Variants in CEP128 observed in about 807,000 individuals in gnomAD.
The protein encoded by CEP128 is centrosomal protein 128kDa.
CEP128 carries 132 observed loss-of-function variants against 156.7 expected under a neutral mutation model. That is an observed-to-expected ratio of 0.84 (90% CI 0.73 to 0.97). The LOEUF is 0.97. Among genes scored for constraint, CEP128 ranks in the 50% least tolerant of loss-of-function variants. CEP128 has a pLI of 0.00. For missense variants in CEP128, 1,252 were observed against 1,281.9 expected, an observed-to-expected ratio of 0.98 and a Z score of 0.36; for synonymous variants, 469 against 448.9, an observed-to-expected ratio of 1.04 and a Z score of -0.57.
intron 19 of CEP128, among the ~76,000 whole-genome samples, chr14:80,735,877 AATCCTACTCT>A: frequency 6.6e-6 from 1 of 152,254 alleles, no homozygotes; most frequent in East Asian, 1.9e-4. Context: ...TCTCATATTG[AATCCTACTCT>A]GCTTCCCTCT....
rs148739948 is a variant in CEP128, at chr14:80,667,419, A to C, written c.2806+75656T>G. 2.1e-4 allele frequency among the ~76,000 whole-genome samples: 32 copies of C among 152,304 alleles called. No homozygotes were observed. The East Asian group carries it at 4.2e-3, about 20-fold the overall frequency. Reference sequence around the variant, plus strand: ...AAATGTGGGATAGAAGTAACTATAAAACTGTTAGGGAGTGGGGAATCCAGA... The same window carrying C: ...AAATGTGGGATAGAAGTAACTATAACACTGTTAGGGAGTGGGGAATCCAGA... On this transcript the variant is annotated intron_variant, in intron 19 of 24. Coordinates refer to ENST00000555265, the MANE Select transcript of CEP128 (RefSeq NM_152446.5).
intron 8 of CEP128, among the ~76,000 whole-genome samples, chr14:80,870,883 A>C (rs769538335): frequency 6.6e-6 from 1 of 152,074 alleles, no homozygotes; most frequent in Non-Finnish European, 1.5e-5. Context: ...TAGAAGTAAT[A>C]AACAAATTCA....
rs144074292 is a variant in CEP128 at position 80,926,247 on chromosome 14, T to C, written c.-15-9685A>G. ...ACCTAAAAGCTGGTTTCTGTGTCAG[T>C]TGGGAACACTTATGGCTTGGGACAG... On this transcript the variant is annotated intron_variant, in intron 2 of 24. Coordinates refer to ENST00000555265, the MANE Select transcript of CEP128 (RefSeq NM_152446.5). Among the ~76,000 whole-genome samples the C allele has an allele frequency of 2.1e-3, 319 of 152,256 alleles. 1 individual carries two copies. Among genetic ancestry groups the C allele is most frequent in the Non-Finnish European group, 3.0e-3 (205 of 68,024 alleles).
intron 13 of CEP128, among the ~76,000 whole-genome samples, chr14:80,814,269 A>C (rs563852234): frequency 6.6e-6 from 1 of 152,232 alleles, no homozygotes; most frequent in East Asian, 1.9e-4. Flanking sequence ...TAGGACTCCA[A>C]TTATCTATAT....
At chr14:80,724,998 C>CATATATATATACATATATGATATAT (rs1566878624) in intron 19 of CEP128, among the ~76,000 whole-genome samples, 3 of 143,804 alleles carry the variant, frequency 2.1e-5, no homozygotes, top group African/African-American at 7.7e-5. Flanking sequence ...ATACATATAT[C>CATATATATATACATATATGATATAT]ATATATATAT....
chr14:80,862,933 T>C, intron 8 of CEP128, 60 bp from the exon 9 acceptor site: 3 of 1,208,370 alleles, frequency 2.5e-6, no homozygotes, highest in Non-Finnish European at 3.7e-6. Context: ...ACAGACTAAA[T>C]TGAGAAGATA....
At chr14:80,531,738 A>T (rs2122433) in intron 21 of CEP128, among the ~76,000 whole-genome samples, 122,662 of 152,042 alleles carry the variant, frequency 0.81, 50,928 homozygotes, top group Middle Eastern at 0.91. Context: ...GGGAAGAAAG[A>T]GAAGTGTACT....
chr14:80,603,232 A>T (rs973677505), intron 19 of CEP128, among the ~76,000 whole-genome samples: 2 of 152,184 alleles, frequency 1.3e-5, no homozygotes, highest in Non-Finnish European at 2.9e-5. Flanking sequence ...TGATGAATAG[A>T]TAAACAAAAT....
intron 20 of CEP128, among the ~76,000 whole-genome samples, chr14:80,578,658 G>C (rs1231147795): frequency 6.6e-6 from 1 of 152,140 alleles, no homozygotes. Context: ...TAGGATTTCA[G>C]CCTATATACT....
At chr14:80,854,063 C>T (rs1386154152) in intron 9 of CEP128, among the ~76,000 whole-genome samples, 1 of 151,950 alleles carries the variant, frequency 6.6e-6, no homozygotes, top group African/African-American at 2.4e-5. Flanking sequence ...TGTATGTAAG[C>T]ACAAATGCAA....
chr14:80,710,143 C>A (rs1897351526), intron 19 of CEP128, among the ~76,000 whole-genome samples: 1 of 151,958 alleles, frequency 6.6e-6, no homozygotes, highest in South Asian at 2.1e-4. Context: ...CATGTATTAA[C>A]AATCTAATAA....
chr14:80,916,057 G>A (rs1884531957), intron 3 of CEP128, among the ~76,000 whole-genome samples: 1 of 152,190 alleles, frequency 6.6e-6, no homozygotes, highest in South Asian at 2.1e-4. Flanking sequence ...TAAAGTCATA[G>A]GATGTGAGAA....
intron 20 of CEP128, among the ~76,000 whole-genome samples, chr14:80,575,053 T>C (rs1891299386): frequency 1.3e-5 from 2 of 150,750 alleles, no homozygotes; most frequent in Non-Finnish European, 3.0e-5. Flanking sequence ...TAAATATATA[T>C]ATTCAAGATT....
In CEP128 at chr14:80,732,471, GGTGTGTGTGTGTGTGT is replaced by G. The variant is rs10672093; in HGVS notation, c.2806+10588_2806+10603del. Among the ~76,000 whole-genome samples, 734 of 127,722 alleles carry G rather than the reference GGTGTGTGTGTGTGTGT, an allele frequency of 5.7e-3. 7 individuals carry two copies. The highest frequency in any genetic ancestry group is 6.9e-3 in the Non-Finnish European group (416 of 60,508). 83.8% of individuals were successfully genotyped at this position (127,722 alleles called of 152,430 possible). A position where few individuals can be genotyped will look rare whatever the true frequency, so the allele number is the denominator to read the frequency against. Reference sequence around the variant, plus strand: ...TTCATCTGGCAGAACTGATTAAGCAGGTGTGTGTGTGTGTGTGTGTGTGTGTGTGTGTGTGTGTGTG... The same window carrying G: ...TTCATCTGGCAGAACTGATTAAGCAGGTGTGTGTGTGTGTGTGTGTGTGTG... On this transcript the variant is annotated intron_variant, in intron 19 of 24. Transcript: ENST00000555265.
chr14:80,859,025 A>G (rs1190950048), intron 9 of CEP128, among the ~76,000 whole-genome samples: 20 of 151,814 alleles, frequency 1.3e-4, no homozygotes, highest in East Asian at 2.0e-4. Context: ...AATACCATTT[A>G]ACCCAGCCAT....
At chr14:80,956,055 T>C (rs983899691) in intron 2 of CEP128, 16 of 646,850 alleles carry the variant, frequency 2.5e-5, no homozygotes, top group Non-Finnish European at 3.6e-5. Flanking sequence ...GTTGACATCC[T>C]CATTCCCAAC....
chr14:80,917,028 G>A (rs548238857), intron 2 of CEP128, among the ~76,000 whole-genome samples: 6 of 152,134 alleles, frequency 3.9e-5, no homozygotes, highest in South Asian at 2.1e-4. Context: ...ACAATAAGGC[G>A]GTCTCACTCA....
intron 13 of CEP128, among the ~76,000 whole-genome samples, chr14:80,806,452 C>T (rs183976396): frequency 6.6e-6 from 1 of 152,238 alleles, no homozygotes; most frequent in East Asian, 1.9e-4. Flanking sequence ...ACATCTAGGC[C>T]TCAGTAATGC....
At chr14:80,602,001 G>A (rs8017133) in intron 19 of CEP128, among the ~76,000 whole-genome samples, 20,290 of 152,100 alleles carry the variant, frequency 0.13, 1,449 homozygotes, top group South Asian at 0.24. Context: ...GAAGACAAAA[G>A]TAGGTTAAAA....
Sources: allele counts gnomAD v4.1 joint callset (sites outside exome capture counted in the v4.1 genomes callset), GRCh38; gene constraint gnomAD v4.1.1; transcripts MANE v1.5; gene names NCBI Gene and HGNC (gene_info 2026-07-23, HGNC 2026-07-21).